Variants in BRD10 observed in about 807,000 individuals in gnomAD.
BRD10 encodes the protein bromodomain containing 10, also known as uncharacterized bromodomain-containing protein 10.
At chr9:5,912,818 C>T in the BRD10 span, among the ~76,000 whole-genome samples, 3 of 152,204 alleles carry the variant, frequency 2.0e-5, no homozygotes, top group Non-Finnish European at 1.5e-5. Flanking sequence ...ATCCCCTAAG[C>T]TTCCTGCAGG....
chr9:5,974,094 A>G, the BRD10 span, among the ~76,000 whole-genome samples: 1 of 152,214 alleles, frequency 6.6e-6, no homozygotes, highest in East Asian at 1.9e-4. Flanking sequence ...TGATAAAACA[A>G]TAATAAAACA....
chr9:5,923,512 C>T, the BRD10 span, among the ~76,000 whole-genome samples: 1 of 152,096 alleles, frequency 6.6e-6, no homozygotes, highest in South Asian at 2.1e-4. Flanking sequence ...CATAACCATG[C>T]CCAAGAAAAA....
chr9:5,951,982 T>C, the BRD10 span, among the ~76,000 whole-genome samples: 2 of 150,546 alleles, frequency 1.3e-5, no homozygotes, highest in Non-Finnish European at 1.5e-5. Context: ...CTAGGACACC[T>C]TGAGAACCAG....
the BRD10 span, among the ~76,000 whole-genome samples, chr9:5,994,799 A>G: frequency 6.6e-6 from 1 of 152,304 alleles, no homozygotes; most frequent in East Asian, 1.9e-4. Flanking sequence ...TTGTCTAACT[A>G]TAACCTCAGC....
At chr9:5,960,970 G>C in the BRD10 span, among the ~76,000 whole-genome samples, 1 of 152,204 alleles carries the variant, frequency 6.6e-6, no homozygotes, top group South Asian at 2.1e-4. Context: ...GGTATGTATA[G>C]TATAATCCTA....
At chr9:5,909,454 C>T in the BRD10 span, 1 of 152,200 alleles carries the variant, frequency 6.6e-6, no homozygotes, top group Non-Finnish European at 1.5e-5. Flanking sequence ...GACGGGGTTT[C>T]TCCATGTTGG....
the BRD10 span, among the ~76,000 whole-genome samples, chr9:6,001,455 T>C: frequency 6.6e-6 from 1 of 152,178 alleles, no homozygotes; most frequent in Non-Finnish European, 1.5e-5. Flanking sequence ...CATCCTATAC[T>C]CTAACCACTG....
chr9:5,935,131 A>G, the BRD10 span, among the ~76,000 whole-genome samples: 1 of 152,218 alleles, frequency 6.6e-6, no homozygotes, highest in African/African-American at 2.4e-5. Flanking sequence ...AAAGTACTTT[A>G]ACACTGACAG....
the BRD10 span, among the ~76,000 whole-genome samples, chr9:5,931,401 A>G: frequency 6.6e-6 from 1 of 152,220 alleles, no homozygotes; most frequent in African/African-American, 2.4e-5. Flanking sequence ...AAAAGATTAG[A>G]AAGTTTTTAC....
the BRD10 span, among the ~76,000 whole-genome samples, chr9:5,993,051 C>T: frequency 6.6e-6 from 1 of 152,114 alleles, no homozygotes; most frequent in East Asian, 1.9e-4. Context: ...CGCAGTGGCT[C>T]ATGCCTGTAA....
At chr9:5,983,699 G>T in the BRD10 span, among the ~76,000 whole-genome samples, 1 of 152,054 alleles carries the variant, frequency 6.6e-6, no homozygotes, top group Non-Finnish European at 1.5e-5. Flanking sequence ...ATGGATCAAA[G>T]AAGCGAAATG....
the BRD10 span, among the ~76,000 whole-genome samples, chr9:5,960,247 C>CA: frequency 6.6e-6 from 1 of 152,032 alleles, no homozygotes; most frequent in Admixed American, 6.5e-5. Flanking sequence ...GAGGTGCTAC[C>CA]ATAAAGTGAT....
At chr9:5,887,711 TC>T in the BRD10 span, among the ~76,000 whole-genome samples, 1 of 152,168 alleles carries the variant, frequency 6.6e-6, no homozygotes, top group Non-Finnish European at 1.5e-5. Flanking sequence ...CTTATATCCT[TC>T]CCAATTTTTG....
At chr9:5,988,385 A>G in the BRD10 span, 1 of 1,613,784 alleles carries the variant, frequency 6.2e-7, no homozygotes, top group Non-Finnish European at 8.5e-7. Flanking sequence ...TCCTGTCTCA[A>G]AACTTGAACC....
At chr9:5,939,803 T>C in the BRD10 span, among the ~76,000 whole-genome samples, 1 of 152,222 alleles carries the variant, frequency 6.6e-6, no homozygotes, top group Non-Finnish European at 1.5e-5. Flanking sequence ...TGTAGGATCA[T>C]TACAGTGTAG....
chr9:5,970,520 T>G, the BRD10 span, among the ~76,000 whole-genome samples: 1 of 152,166 alleles, frequency 6.6e-6, no homozygotes, highest in East Asian at 1.9e-4. Context: ...GACCTTAGAT[T>G]AGGCAATGGT....
chr9:5,886,879 C>T, the BRD10 span, among the ~76,000 whole-genome samples: 2 of 152,168 alleles, frequency 1.3e-5, no homozygotes, highest in Non-Finnish European at 2.9e-5. Flanking sequence ...CCTGAAAGGG[C>T]CAGGCACCTC....
At chr9:5,920,191 T>C in the BRD10 span, 3 of 1,614,016 alleles carry the variant, frequency 1.9e-6, no homozygotes, top group South Asian at 3.3e-5. Context: ...AGTTATCTAT[T>C]GGTGTAGATT....
chr9:5,935,803 C>T, the BRD10 span, among the ~76,000 whole-genome samples: 1 of 152,296 alleles, frequency 6.6e-6, no homozygotes, highest in East Asian at 1.9e-4. Context: ...CAACGCCTAA[C>T]TCTGACAGAA....
Sources: gnomAD v4.1 joint callset for allele counts (sites outside exome capture counted in the v4.1 genomes callset) on GRCh38, gnomAD v4.1.1 for gene constraint, MANE v1.5 for transcripts, NCBI Gene and HGNC (gene_info 2026-07-23, HGNC 2026-07-21) for gene names.